The following EDDM13 variants were observed in gnomAD, a reference collection of about 807,000 sequenced individuals.
EDDM13 encodes epididymal protein 13.
In EDDM13, 24 loss-of-function variants were observed where a neutral mutation model predicts 17.8. The ratio of observed to expected loss-of-function variants is 1.35; its 90% CI spans 0.98 to 1.90. The LOEUF is 1.90. Among genes scored for constraint, EDDM13 ranks in the 40% most tolerant of loss-of-function variants. The pLI, the probability that EDDM13 is intolerant of heterozygous loss-of-function variation, is 0.00. For missense variants in EDDM13, 97 were observed against 100.8 expected, an observed-to-expected ratio of 0.96 and a Z score of 0.16; for synonymous variants, 31 against 37.5, an observed-to-expected ratio of 0.83 and a Z score of 0.63.
At chr19:56,306,107 T>C (rs563985612) in intron 14 of EDDM13, among the ~76,000 whole-genome samples, 27 of 152,220 alleles carry the variant, frequency 1.8e-4, no homozygotes, top group Admixed American at 9.8e-4. Flanking sequence ...ACGGAAAGGC[T>C]GTCAGTGAGA....
rs575364972 is a variant in EDDM13, at chr19:56,284,607, C to A, written c.128-391C>A. 1.8e-4 allele frequency among the ~76,000 whole-genome samples: 27 copies of A among 149,906 alleles called. 1 individual carries two copies. In the South Asian group the frequency reaches 5.3e-3, roughly 29 times the overall value. ...GTAGGTCACTGCAGCCTCTGCCTCC[C>A]GGGTTCATGCCATTCTCCAACCTCA... On this transcript the variant is annotated intron_variant, in intron 5 of 14. Transcript: ENST00000649256.
intron 12 of EDDM13, among the ~76,000 whole-genome samples, chr19:56,301,081 G>C (rs535225193): frequency 6.6e-6 from 1 of 152,044 alleles, no homozygotes; most frequent in South Asian, 2.1e-4. Flanking sequence ...AAGGGGTCCC[G>C]ATCAAGACCC....
At chr19:56,281,664 C>T in intron 2 of EDDM13, 29 bp from the exon 3 acceptor site, 1 of 984,650 alleles carries the variant, frequency 1.0e-6, no homozygotes, top group African/African-American at 1.7e-5. Flanking sequence ...TGTTGATTCA[C>T]TGGCTCCTGG....
At chr19:56,303,410 A>G (rs1392337073) in intron 13 of EDDM13, among the ~76,000 whole-genome samples, 1 of 151,118 alleles carries the variant, frequency 6.6e-6, no homozygotes, top group Non-Finnish European at 1.5e-5. Context: ...CCTGGGAAGC[A>G]GAGGTTGCAG....
chr19:56,305,724 T>TA (rs1297383533), intron 14 of EDDM13, among the ~76,000 whole-genome samples: 18 of 152,158 alleles, frequency 1.2e-4, no homozygotes, highest in Admixed American at 5.9e-4. Flanking sequence ...AGGTGATACT[T>TA]AGAGCTAGAG....
intron 14 of EDDM13, among the ~76,000 whole-genome samples, chr19:56,309,838 C>A (rs1446559314): frequency 6.6e-6 from 1 of 152,172 alleles, no homozygotes; most frequent in African/African-American, 2.4e-5. Context: ...TCTAGAAGAG[C>A]CCTGCTCTGA....
chr19:56,304,340 G>A (rs896696702), intron 13 of EDDM13, among the ~76,000 whole-genome samples: 7 of 152,204 alleles, frequency 4.6e-5, no homozygotes, highest in African/African-American at 1.4e-4. Context: ...GTTCTGAAAC[G>A]GGGGTGACGT....
intron 6 of EDDM13, among the ~76,000 whole-genome samples, chr19:56,285,862 G>C (rs2039077171): frequency 6.6e-6 from 1 of 151,976 alleles, no homozygotes; most frequent in Non-Finnish European, 1.5e-5. Context: ...TTTTATTTTT[G>C]CAAATTCCTA....
intron 14 of EDDM13, among the ~76,000 whole-genome samples, chr19:56,307,308 C>T (rs1004453227): frequency 1.3e-5 from 2 of 152,180 alleles, no homozygotes; most frequent in African/African-American, 2.4e-5. Flanking sequence ...TATACCCCCA[C>T]CCCCTGCTGC....
chr19:56,280,933 TGA>T (rs2038648159), intron 2 of EDDM13, among the ~76,000 whole-genome samples: 1 of 152,148 alleles, frequency 6.6e-6, no homozygotes, highest in South Asian at 2.1e-4. Context: ...TTGAACAATG[TGA>T]GAGTTAGGGG....
chr19:56,302,457 T>C (rs938747115), intron 13 of EDDM13, among the ~76,000 whole-genome samples: 5 of 136,852 alleles, frequency 3.7e-5, no homozygotes, highest in African/African-American at 1.4e-4. Context: ...CCTCTCTCCG[T>C]CTGCTTCCTC....
chr19:56,281,179 A>T (rs60196990), intron 2 of EDDM13, among the ~76,000 whole-genome samples: 1,687 of 152,320 alleles, frequency 0.011, 31 homozygotes, highest in African/African-American at 0.038. Context: ...GTGGAAGTGG[A>T]TCATTATCAA....
intron 6 of EDDM13, among the ~76,000 whole-genome samples, chr19:56,285,502 A>G (rs1263574439): frequency 6.6e-6 from 1 of 152,220 alleles, no homozygotes; most frequent in Non-Finnish European, 1.5e-5. Flanking sequence ...GTGTACTCCC[A>G]TAATTTAATG....
At chr19:56,288,669 G>A (rs1287679776) in intron 7 of EDDM13, among the ~76,000 whole-genome samples, 8 of 152,134 alleles carry the variant, frequency 5.3e-5, no homozygotes, top group Non-Finnish European at 8.8e-5. Context: ...GTTAGAAGGC[G>A]TGACTGAGTG....
intron 2 of EDDM13, among the ~76,000 whole-genome samples, chr19:56,277,623 G>A (rs143475827): frequency 0.011 from 1,652 of 152,144 alleles, 10 homozygotes; most frequent in South Asian, 0.032. Flanking sequence ...AGTGATGGTC[G>A]TACAAGTCTG....
At chr19:56,287,741 C>A (rs925343041) in intron 6 of EDDM13, among the ~76,000 whole-genome samples, 1 of 152,134 alleles carries the variant, frequency 6.6e-6, no homozygotes, top group African/African-American at 2.4e-5. Context: ...GGTGGGGAAA[C>A]TGAGGGCTGG....
chr19:56,285,104 C>A (rs1170962896), intron 6 of EDDM13, 80 bp downstream of exon 6: 6 of 722,222 alleles, frequency 8.3e-6, no homozygotes, highest in Non-Finnish European at 8.5e-6. Flanking sequence ...GTCATTTATG[C>A]TTTTAGGTAG....
chr19:56,291,372 C>A (rs186759340), intron 9 of EDDM13, among the ~76,000 whole-genome samples: 5 of 152,296 alleles, frequency 3.3e-5, no homozygotes, highest in East Asian at 1.9e-4. Context: ...TGGATTAATG[C>A]GTCTCTAAAG....
intron 9 of EDDM13, among the ~76,000 whole-genome samples, chr19:56,295,399 G>GTT (rs2039801299): frequency 6.6e-6 from 1 of 152,056 alleles, no homozygotes; most frequent in African/African-American, 2.4e-5. Flanking sequence ...TTCTAGACCA[G>GTT]CCTGGCCAAC....
Sources: gnomAD v4.1 joint callset for allele counts (sites outside exome capture counted in the v4.1 genomes callset) on GRCh38, gnomAD v4.1.1 for gene constraint, MANE v1.5 for transcripts, NCBI Gene and HGNC (gene_info 2026-07-23, HGNC 2026-07-21) for gene names.